Variants in CNR1 observed in about 807,000 individuals in gnomAD.
CNR1 encodes cannabinoid receptor 1, also known as cannabinoid receptor 1 (brain).
In CNR1, 10 loss-of-function variants were observed where a neutral mutation model predicts 23.0. The observed-to-expected ratio is 0.43, with a 90% CI of 0.27 to 0.74. The LOEUF is 0.74. Ranked by LOEUF, CNR1 falls within the 30% of genes least tolerant of loss-of-function variation. The pLI is 0.19. For missense variants in CNR1, 422 were observed against 618.8 expected (o/e 0.68, Z 3.37); for synonymous variants, 271 against 255.2 (o/e 1.06, Z -0.59).
Position 88,143,044 on chromosome 6 carries a change from CTT to C in CNR1, c.*810_*811del, listed in dbSNP as rs1440107601. ...CAAAAAAAGTCAATATGCTTTCTCTCTTCCATTCTGATTATAATCCATTAGAA... is the reference window on the plus strand; with the variant it reads ...CAAAAAAAGTCAATATGCTTTCTCTCCCATTCTGATTATAATCCATTAGAA... On this transcript the variant is annotated 3_prime_UTR_variant, in exon 2 of 2. Coordinates refer to ENST00000369501, the MANE Select transcript of CNR1 (RefSeq NM_016083.6). The C allele has an allele frequency of 6.6e-6, 1 of 152,542 alleles. No individual in the cohort carries two copies. The highest frequency in any genetic ancestry group is 1.9e-4 in the East Asian group (1 of 5,344). The allele number at this position is 152,542 out of a possible 1,614,324, so 9.4% of individuals were successfully genotyped here. A position where few individuals can be genotyped will look rare whatever the true frequency, so the allele number is the denominator to read the frequency against.
upstream of CNR1, among the ~76,000 whole-genome samples, chr6:88,166,755 C>T (rs1436213892): frequency 6.6e-6 from 1 of 152,006 alleles, no homozygotes; most frequent in Non-Finnish European, 1.5e-5. Context: ...TCGCCAACAC[C>T]TTCCGCGGGG....
intron 1 of CNR1, 27 bp from the exon 2 acceptor site, chr6:88,145,364 G>C (rs985815275): frequency 5.0e-6 from 5 of 1,006,352 alleles, no homozygotes; most frequent in Non-Finnish European, 7.5e-6. Flanking sequence ...CAAATAAGCC[G>C]AATGGTGAGA....
rs117523241 is a variant in CNR1, at chr6:88,140,905, G to A, written c.*2951C>T. 1.3e-5 allele frequency: 2 copies of A among 152,332 alleles called. No individual in the cohort carries two copies. Among genetic ancestry groups the A allele is most frequent in the East Asian group, 3.8e-4 (2 of 5,328 alleles). The allele number at this position is 152,332 out of a possible 1,614,324, so 9.4% of individuals were successfully genotyped here. A position where few individuals can be genotyped will look rare whatever the true frequency, so the allele number is the denominator to read the frequency against. ...TATATTTCATACAAAATAAATCAGA[G>A]GTTCCTCTTGGAGGCAGCCCTACTT... On this transcript the variant is annotated 3_prime_UTR_variant, in exon 2 of 2. Coordinates refer to ENST00000369501, the MANE Select transcript of CNR1 (RefSeq NM_016083.6).
chr6:88,142,095 G>A lies in CNR1; in HGVS notation c.*1761C>T, dbSNP rs1475157147. The A allele has an allele frequency of 6.6e-6, 1 of 152,382 alleles. No homozygotes were observed. The allele number at this position is 152,382 out of a possible 1,614,324, so 9.4% of individuals were successfully genotyped here. A position where few individuals can be genotyped will look rare whatever the true frequency, so the allele number is the denominator to read the frequency against. On this transcript the variant is annotated 3_prime_UTR_variant, in exon 2 of 2. Transcript: ENST00000369501. ...CAGCTGTGTTTATCTTCATGCTTGA[G>A]TGTATCTTGCTAACCACGAGCAAAG...
Position 88,141,960 on chromosome 6 carries a change from T to C in CNR1, c.*1896A>G, listed in dbSNP as rs1776848191. 6.6e-6 allele frequency: 1 copy of C among 152,250 alleles called. No individual in the cohort carries two copies. Among genetic ancestry groups the C allele is most frequent in the African/African-American group, 2.4e-5 (1 of 41,412 alleles). 9.4% of individuals were successfully genotyped at this position (152,250 alleles called of 1,614,324 possible). A position where few individuals can be genotyped will look rare whatever the true frequency, so the allele number is the denominator to read the frequency against. Reference sequence around the variant, plus strand: ...GTATAAGAAGAGATTATAATTAAAATTTGTCAGGGTTAAGTAGATTCTTCA... The same window carrying C: ...GTATAAGAAGAGATTATAATTAAAACTTGTCAGGGTTAAGTAGATTCTTCA... On this transcript the variant is annotated 3_prime_UTR_variant, in exon 2 of 2. Coordinates refer to ENST00000369501, the MANE Select transcript of CNR1 (RefSeq NM_016083.6).
chr6:88,150,529 G>A (rs938604813), intron 1 of CNR1, among the ~76,000 whole-genome samples: 1 of 151,970 alleles, frequency 6.6e-6, no homozygotes, highest in Non-Finnish European at 1.5e-5. Context: ...TTCCATATTC[G>A]TATATAAAAC....
chr6:88,144,467 G>A lies in CNR1; in HGVS notation c.808C>T (p.His270Tyr). 1 of 1,614,198 alleles carries A rather than the reference G, an allele frequency of 6.2e-7. No homozygotes were observed. The highest frequency in any genetic ancestry group is 8.5e-7 in the Non-Finnish European group (1 of 1,180,046). The change falls in exon 2 of 2, where the codon CAC becomes TAC. Residue 270 changes from histidine (H) to tyrosine (Y), a missense_variant. By Grantham distance (83) the His-to-Tyr change is moderately conservative. Transcript: ENST00000369501. This position sits in a 1 kb window ranked among gnomAD's most constrained non-coding sequence, Gnocchi z 7.8. ...LQSVCSDIFP[H>Y]IDETYLMFWI... is the part of the protein sequence containing the mutation. ...AACATCAGGTAGGTTTCATCAATGT[G>A]TGGGAAAATGTCTGAGCAAACAGAT...
chr6:88,145,383 G>T, intron 1 of CNR1, 46 bp from the exon 2 acceptor site: 1 of 887,380 alleles, frequency 1.1e-6, no homozygotes, highest in Non-Finnish European at 1.8e-6. Flanking sequence ...GAAACAGGAA[G>T]AATAAAAACA....
chr6:88,151,865 C>T (rs1275899761), intron 1 of CNR1, among the ~76,000 whole-genome samples: 1 of 151,938 alleles, frequency 6.6e-6, no homozygotes, highest in African/African-American at 2.4e-5. Context: ...TATATTCTAT[C>T]ATTAAATTGT....
intron 1 of CNR1, among the ~76,000 whole-genome samples, chr6:88,146,808 G>C (rs1777214753): frequency 6.6e-6 from 1 of 152,124 alleles, no homozygotes; most frequent in Admixed American, 6.5e-5. Context: ...TTGGGGGAGA[G>C]ACAATCACTA....
At chr6:88,157,393 ACTT>A in intron 1 of CNR1, among the ~76,000 whole-genome samples, 1 of 152,280 alleles carries the variant, frequency 6.6e-6, no homozygotes, top group South Asian at 2.1e-4. Flanking sequence ...TGGTTGAGCA[ACTT>A]CTCCTCCTGC....
In CNR1 at chr6:88,141,605, A is replaced by C. The variant is rs1449432613; in HGVS notation, c.*2251T>G. The C allele has an allele frequency of 6.6e-6, 1 of 152,412 alleles. No homozygotes were observed. The highest frequency in any genetic ancestry group is 1.5e-5 in the Non-Finnish European group (1 of 68,060). 9.4% of individuals were successfully genotyped at this position (152,412 alleles called of 1,614,324 possible). A position where few individuals can be genotyped will look rare whatever the true frequency, so the allele number is the denominator to read the frequency against. On this transcript the variant is annotated 3_prime_UTR_variant, in exon 2 of 2. Transcript: ENST00000369501. ...CAAAAGACTGGCAATTCTTAAATGC[A>C]AACTAAACCCTGGTGAGTTCTTCTT... is the stretch of plus-strand genomic sequence containing the variant.
rs954411859 is a variant in CNR1, at chr6:88,141,608, C to T, written c.*2248G>A. 6.6e-6 allele frequency: 1 copy of T among 152,372 alleles called. No homozygotes were observed. The highest frequency in any genetic ancestry group is 1.5e-5 in the Non-Finnish European group (1 of 68,052). 9.4% of individuals were successfully genotyped at this position (152,372 alleles called of 1,614,324 possible). Reference sequence around the variant, plus strand: ...AAGACTGGCAATTCTTAAATGCAAACTAAACCCTGGTGAGTTCTTCTTGTA... The same window carrying T: ...AAGACTGGCAATTCTTAAATGCAAATTAAACCCTGGTGAGTTCTTCTTGTA... On this transcript the variant is annotated 3_prime_UTR_variant, in exon 2 of 2. Transcript: ENST00000369501.
At position 88,145,019 on chromosome 6, in the gene CNR1, G is replaced by T; in HGVS notation, c.256C>A (p.Leu86Ile). 6.2e-7 allele frequency: 1 copy of T among 1,614,104 alleles called. No individual in the cohort carries two copies. Among genetic ancestry groups the T allele is most frequent in the South Asian group, 1.1e-5 (1 of 91,078 alleles). ...VNITEFYNKS[L>I]SSFKENEENI... ...TCCTCATTCTCCTTGAAGGACGAGA[G>T]AGACTTGTTGTAAAATTCTGTAATG... The change falls in exon 2 of 2, where the codon CTC (leucine) becomes ATC (isoleucine). Residue 86 changes from leucine to isoleucine, a missense_variant. Coordinates refer to ENST00000369501, the MANE Select transcript of CNR1 (RefSeq NM_016083.6).
At chr6:88,160,325 T>A (rs974311181) in intron 1 of CNR1, among the ~76,000 whole-genome samples, 2 of 151,842 alleles carry the variant, frequency 1.3e-5, no homozygotes, top group African/African-American at 4.8e-5. Flanking sequence ...AATAAAAACA[T>A]CATTTTTAGC....
intron 1 of CNR1, among the ~76,000 whole-genome samples, chr6:88,146,531 T>C (rs1044098266): frequency 2.6e-5 from 4 of 152,334 alleles, no homozygotes; most frequent in African/African-American, 7.2e-5. Context: ...AGGATTTCCA[T>C]GTGAACAGCT....
chr6:88,162,855 G>A (rs1214277609), intron 1 of CNR1: 1 of 152,164 alleles, frequency 6.6e-6, no homozygotes, highest in Non-Finnish European at 1.5e-5. Context: ...AGAGCCAACA[G>A]CAGAATTATA....
chr6:88,158,753 A>G (rs532898132), intron 1 of CNR1, among the ~76,000 whole-genome samples: 28 of 152,234 alleles, frequency 1.8e-4, no homozygotes, highest in Non-Finnish European at 3.1e-4. Context: ...CTAAGGTTAG[A>G]TAAGAAGAAA....
intron 1 of CNR1, among the ~76,000 whole-genome samples, chr6:88,147,137 A>G (rs1777237579): frequency 6.6e-6 from 1 of 152,212 alleles, no homozygotes; most frequent in South Asian, 2.1e-4. Flanking sequence ...CTAAAAATAA[A>G]AAGAAATTTA....
Sources: allele counts gnomAD v4.1 joint callset (sites outside exome capture counted in the v4.1 genomes callset), GRCh38; gene constraint gnomAD v4.1.1; non-coding constraint Gnocchi (gnomAD v3.1); transcripts MANE v1.5; gene names NCBI Gene and HGNC (gene_info 2026-07-23, HGNC 2026-07-21).